The following RIMS2 variants were observed in gnomAD, a reference collection of about 807,000 sequenced individuals.
RIMS2 encodes regulating synaptic membrane exocytosis protein 2.
RIMS2 carries 59 observed loss-of-function variants against 174.4 expected under a neutral mutation model. The ratio of observed to expected loss-of-function variants is 0.34; its 90% CI spans 0.27 to 0.42. The LOEUF is 0.42. Among genes scored for constraint, RIMS2 ranks in the 10% least tolerant of loss-of-function variants. The pLI, the probability that RIMS2 is intolerant of heterozygous loss-of-function variation, is 1.00. For synonymous variants in RIMS2, 606 were observed against 572.5 expected (o/e 1.06, Z -0.84); for missense variants, 1,620 against 1,666.3 (o/e 0.97, Z 0.48).
At chr8:103,549,005 C>A (rs1846356153) in intron 1 of RIMS2, among the ~76,000 whole-genome samples, 1 of 151,902 alleles carries the variant, frequency 6.6e-6, no homozygotes, top group Admixed American at 6.6e-5. Context: ...AAACATTGCT[C>A]AAAGAAATCA....
intron 1 of RIMS2, among the ~76,000 whole-genome samples, chr8:103,526,981 C>T (rs1834355105): frequency 6.6e-6 from 1 of 151,976 alleles, no homozygotes; most frequent in Admixed American, 6.6e-5. Flanking sequence ...GCCAAAACCC[C>T]AAAACAACAA....
At chr8:104,170,597 G>A (rs80299560) in intron 19 of RIMS2, among the ~76,000 whole-genome samples, 1 of 151,954 alleles carries the variant, frequency 6.6e-6, no homozygotes, top group African/African-American at 2.4e-5. Context: ...TTGGTTGGTG[G>A]TTTTTTATCC....
intron 19 of RIMS2, among the ~76,000 whole-genome samples, chr8:104,129,039 T>A (rs2132793230): frequency 6.6e-6 from 1 of 152,340 alleles, no homozygotes; most frequent in East Asian, 1.9e-4. Flanking sequence ...GGCTGAAGAA[T>A]AAAGTGGTAC....
intron 17 of RIMS2, among the ~76,000 whole-genome samples, chr8:104,005,383 A>T (rs1487382499): frequency 6.6e-6 from 1 of 152,172 alleles, no homozygotes; most frequent in Non-Finnish European, 1.5e-5. Context: ...TGAAAGAATA[A>T]GTAGCTTCTG....
At chr8:103,530,312 TTTAA>T (rs1173896424) in intron 1 of RIMS2, among the ~76,000 whole-genome samples, 2 of 152,046 alleles carry the variant, frequency 1.3e-5, no homozygotes, top group East Asian at 1.9e-4. Context: ...ATAAAAAGTA[TTTAA>T]TTAATTAAAA....
chr8:103,532,718 C>T (rs1039166229), intron 1 of RIMS2, among the ~76,000 whole-genome samples: 14 of 152,158 alleles, frequency 9.2e-5, no homozygotes, highest in Admixed American at 6.5e-4. Flanking sequence ...GCTGTTTGGT[C>T]CACTGCAAAT....
At chr8:104,216,782 G>A (rs1252137472) in intron 19 of RIMS2, among the ~76,000 whole-genome samples, 2 of 152,186 alleles carry the variant, frequency 1.3e-5, no homozygotes, top group African/African-American at 4.8e-5. Flanking sequence ...TGAAGGTAGA[G>A]GAGGATTCTA....
intron 2 of RIMS2, among the ~76,000 whole-genome samples, chr8:103,715,599 T>C (rs2097358445): frequency 6.6e-6 from 1 of 152,216 alleles, no homozygotes; most frequent in African/African-American, 2.4e-5. Flanking sequence ...TACTTTATGT[T>C]AAAGAAAAGA....
intron 3 of RIMS2, among the ~76,000 whole-genome samples, chr8:103,871,013 A>AT (rs2154513327): frequency 6.6e-6 from 1 of 152,250 alleles, no homozygotes; most frequent in South Asian, 2.1e-4. Context: ...TCTGATTTTG[A>AT]TCCCAATTTC....
intron 15 of RIMS2, among the ~76,000 whole-genome samples, chr8:103,964,898 G>C (rs2091382760): frequency 6.6e-6 from 1 of 152,188 alleles, no homozygotes; most frequent in Non-Finnish European, 1.5e-5. Flanking sequence ...AGCACCATTT[G>C]TTGAAAAGAC....
At chr8:103,615,842 C>G (rs1260085475) in intron 1 of RIMS2, among the ~76,000 whole-genome samples, 1 of 152,146 alleles carries the variant, frequency 6.6e-6, no homozygotes, top group Non-Finnish European at 1.5e-5. Flanking sequence ...ATTCCCCAAA[C>G]AGACCAATAA....
At chr8:103,901,881 T>C (rs1269753884) in intron 4 of RIMS2, among the ~76,000 whole-genome samples, 2 of 152,196 alleles carry the variant, frequency 1.3e-5, no homozygotes, top group Non-Finnish European at 2.9e-5. Flanking sequence ...TTTGGTTTGG[T>C]TCCTATTCTA....
chr8:103,536,320 G>C (rs1172457096), intron 1 of RIMS2, among the ~76,000 whole-genome samples: 2 of 152,110 alleles, frequency 1.3e-5, no homozygotes, highest in East Asian at 3.9e-4. Flanking sequence ...ATTTATGGCA[G>C]AGAAGACTTT....
chr8:103,526,235 AC>A (rs1833926176), intron 1 of RIMS2, among the ~76,000 whole-genome samples: 1 of 152,220 alleles, frequency 6.6e-6, no homozygotes, highest in Non-Finnish European at 1.5e-5. Context: ...TGAATGGTCC[AC>A]ATACAGAGGA....
At chr8:103,897,361 A>G (rs2099290844) in intron 4 of RIMS2, among the ~76,000 whole-genome samples, 1 of 151,698 alleles carries the variant, frequency 6.6e-6, no homozygotes, top group Non-Finnish European at 1.5e-5. Context: ...CTATCCCATC[A>G]GTGAACCAGG....
intron 1 of RIMS2, among the ~76,000 whole-genome samples, chr8:103,685,355 T>C (rs1198739675): frequency 6.6e-6 from 1 of 151,954 alleles, no homozygotes; most frequent in African/African-American, 2.4e-5. Context: ...AGTCCCAAAC[T>C]TTTTAAAACA....
chr8:103,563,341 C>A (rs909704026), intron 1 of RIMS2, among the ~76,000 whole-genome samples: 13 of 152,172 alleles, frequency 8.5e-5, no homozygotes, highest in African/African-American at 3.1e-4. Flanking sequence ...AATTTCTTCA[C>A]ACAGATACCC....
rs1258084266 is a variant in RIMS2, at chr8:103,835,802, G to A, written c.699-49496G>A. Reference sequence around the variant, plus strand: ...GTTGTCCAGTGGCTGATTTGGAACTGTATGTCCTAATTAAATAATCACTGT... The same window carrying A: ...GTTGTCCAGTGGCTGATTTGGAACTATATGTCCTAATTAAATAATCACTGT... On this transcript the variant is annotated intron_variant, in intron 3 of 23. Coordinates refer to ENST00000504942, the Ensembl canonical transcript of RIMS2. 2.6e-5 allele frequency among the ~76,000 whole-genome samples: 4 copies of A among 152,180 alleles called. No homozygotes were observed. In the South Asian group the frequency reaches 6.2e-4, roughly 24 times the overall value.
At chr8:103,716,523 A>T (rs965898587) in intron 2 of RIMS2, among the ~76,000 whole-genome samples, 9 of 151,970 alleles carry the variant, frequency 5.9e-5, no homozygotes, top group Non-Finnish European at 1.0e-4. Flanking sequence ...TACACTTCAT[A>T]TATTATAGAT....
Sources: gnomAD v4.1 joint callset for allele counts (sites outside exome capture counted in the v4.1 genomes callset) on GRCh38, gnomAD v4.1.1 for gene constraint, MANE v1.5 for transcripts, NCBI Gene and HGNC (gene_info 2026-07-23, HGNC 2026-07-21) for gene names.